The following PHIP variants were observed in gnomAD, a reference collection of about 807,000 sequenced individuals.
The protein encoded by PHIP is PH-interacting protein.
In PHIP, 54 loss-of-function variants were observed where a neutral mutation model predicts 236.8. The observed-to-expected ratio is 0.23, with a 90% CI of 0.18 to 0.29. The LOEUF is 0.29. Ranked by LOEUF, PHIP falls within the 10% of genes least tolerant of loss-of-function variation. The probability of loss-of-function intolerance (pLI) is 1.00; values close to 1 mark genes in which losing one functional copy is unlikely to be tolerated. For missense variants in PHIP, 1,370 were observed against 2,190.8 expected (o/e 0.63, Z 7.48); for synonymous variants, 756 against 718.9 (o/e 1.05, Z -0.83).
At position 78,988,236 on chromosome 6, in the gene PHIP, C is replaced by A. The variant is rs1392804044; in HGVS notation, c.2433G>T (p.Glu811Asp). The change falls in exon 21 of 40, where the codon GAG (glutamate) becomes GAT (aspartate). Residue 811 changes from glutamate (E) to aspartate (D), a missense_variant. Glu to Asp is a conservative substitution (Grantham distance 45). This residue lies in a region of PHIP where 99 missense variants were observed against 110.0 expected (regional missense o/e 0.90). Transcript: ENST00000275034. ...CTGAAGAACTACTGCCATTTTCTATCTCTTCTGAGGGTCTAGGAGTCTCTT... is the reference window on the plus strand; with the variant it reads ...CTGAAGAACTACTGCCATTTTCTATATCTTCTGAGGGTCTAGGAGTCTCTT... Reference protein sequence around the residue: ...ALEETPRPSEEIENGSSSSDE... With the variant: ...ALEETPRPSEDIENGSSSSDE... The A allele has an allele frequency of 1.3e-6, 2 of 1,585,570 alleles. No homozygotes were observed. Among genetic ancestry groups the A allele is most frequent in the Non-Finnish European group, 8.6e-7 (1 of 1,167,238 alleles).
intron 4 of PHIP, among the ~76,000 whole-genome samples, chr6:79,075,672 G>T (rs1295916072): frequency 7.0e-6 from 1 of 142,672 alleles, no homozygotes; most frequent in Non-Finnish European, 1.5e-5. Context: ...ATTCCTACGA[G>T]GATTAGCCAT....
chr6:78,992,255 G>GCC (rs1346896025), intron 19 of PHIP, among the ~76,000 whole-genome samples: 1 of 151,696 alleles, frequency 6.6e-6, no homozygotes, highest in Admixed American at 6.6e-5. Context: ...GAGCCACCGC[G>GCC]CCGGCCCAAA....
In PHIP at chr6:79,003,817, G is replaced by A; in HGVS notation, c.1566C>T (p.Cys522=). ...QGHGAVFDCK[C]SPDGQHFACT... ...ATGCAAAATGCTGACCATCAGGAGA[G>A]CATTTGCAGTCAAATACTGCGCCAT... Residue 522 remains cysteine (C), a synonymous_variant, in exon 16 of 40, where the codon TGC becomes TGT. Transcript: ENST00000275034. 1.9e-6 allele frequency: 3 copies of A among 1,609,532 alleles called. No individual in the cohort carries two copies. The highest frequency in any genetic ancestry group is 2.5e-6 in the Non-Finnish European group (3 of 1,177,076).
At chr6:78,977,943 C>G (rs1000725173) in intron 24 of PHIP, among the ~76,000 whole-genome samples, 1 of 151,864 alleles carries the variant, frequency 6.6e-6, no homozygotes, top group African/African-American at 2.4e-5. Flanking sequence ...ATTTTAATTC[C>G]CAATTTATTT....
At position 78,936,018 on chromosome 6, in the gene PHIP, A is replaced by G. The variant is rs1291466512; in HGVS notation, c.*4675T>C. ...CTAACATAGAAAGTGTCCACGTAAC[A>G]GTAAAGAAAGGTCCAATCAGTATGT... On this transcript the variant is annotated 3_prime_UTR_variant, in exon 40 of 40. Coordinates refer to ENST00000275034, the MANE Select transcript of PHIP (RefSeq NM_017934.7). The G allele has an allele frequency of 6.6e-6, 1 of 152,224 alleles. No homozygotes were observed. Among genetic ancestry groups the G allele is most frequent in the Non-Finnish European group, 1.5e-5 (1 of 68,044 alleles). The allele number at this position is 152,224 out of a possible 1,614,324, so 9.4% of individuals were successfully genotyped here.
intron 15 of PHIP, among the ~76,000 whole-genome samples, chr6:79,005,461 C>CTTTTTTA (rs1770237167): frequency 6.6e-6 from 1 of 151,692 alleles, no homozygotes; most frequent in Admixed American, 6.6e-5. Flanking sequence ...GTTACATGAA[C>CTTTTTTA]TGTTATAAAT....
At chr6:78,941,524 G>A (rs1345331880) in intron 39 of PHIP, among the ~76,000 whole-genome samples, 194 bp from the exon 40 acceptor site, 1 of 151,960 alleles carries the variant, frequency 6.6e-6, no homozygotes, top group African/African-American at 2.4e-5. Context: ...AAAAGAGACA[G>A]ATTCTTAACG....
In PHIP at chr6:78,983,939, G is replaced by A. The variant is rs139828650; in HGVS notation, c.2538-822C>T. ...ATCTTCTATATTAATTTTAGTATGTGAGCATATTTACTTATTTTGTACAAT... is the reference window on the plus strand; with the variant it reads ...ATCTTCTATATTAATTTTAGTATGTAAGCATATTTACTTATTTTGTACAAT... On this transcript the variant is annotated intron_variant, in intron 22 of 39. Coordinates refer to ENST00000275034, the MANE Select transcript of PHIP (RefSeq NM_017934.7). Among the ~76,000 whole-genome samples the A allele has an allele frequency of 6.3e-3, 963 of 152,184 alleles. 19 individuals carry two copies. The highest frequency in any genetic ancestry group is 0.022 in the African/African-American group (907 of 41,516).
intron 16 of PHIP, among the ~76,000 whole-genome samples, chr6:79,003,222 T>A (rs79371577): frequency 1.3e-5 from 2 of 151,914 alleles, no homozygotes; most frequent in African/African-American, 4.8e-5. Flanking sequence ...CTAGGCAACA[T>A]AGTGAGACAT....
chr6:79,072,993 T>C (rs747257930), intron 4 of PHIP, among the ~76,000 whole-genome samples: 19 of 152,150 alleles, frequency 1.2e-4, no homozygotes, highest in Non-Finnish European at 2.6e-4. Flanking sequence ...CCACACAAAG[T>C]AGAAGCTATT....
At chr6:78,957,023 T>C (rs1022475700) in intron 32 of PHIP, 1 of 152,070 alleles carries the variant, frequency 6.6e-6, no homozygotes, top group Non-Finnish European at 1.5e-5. Context: ...TCTTGAAGAC[T>C]ATCTGCTAAA....
chr6:79,076,205 T>C (rs1011215915), intron 4 of PHIP, among the ~76,000 whole-genome samples: 1 of 152,194 alleles, frequency 6.6e-6, no homozygotes, highest in Non-Finnish European at 1.5e-5. Flanking sequence ...AGTTAGGAAA[T>C]ACACTACATA....
At chr6:79,037,140 T>A (rs1232837537) in intron 7 of PHIP, among the ~76,000 whole-genome samples, 3 of 152,096 alleles carry the variant, frequency 2.0e-5, no homozygotes, top group Admixed American at 6.5e-5. Flanking sequence ...CTCTTTTCCT[T>A]TTTGGCCCAC....
intron 31 of PHIP, among the ~76,000 whole-genome samples, chr6:78,958,871 T>G (rs554160950): frequency 2.6e-5 from 4 of 152,152 alleles, no homozygotes; most frequent in African/African-American, 9.6e-5. Context: ...AGAACGTCTA[T>G]ATGGGGAGTG....
Position 78,985,423 on chromosome 6 carries a change from G to T in PHIP, c.2466C>A (p.Gly822=). 6.4e-7 allele frequency: 1 copy of T among 1,558,660 alleles called. No homozygotes were observed. Among genetic ancestry groups the T allele is most frequent in the Non-Finnish European group, 8.9e-7 (1 of 1,129,808 alleles). ...TTCCACCACTGACAGCAACTACTTC[G>T]CCTTCCTAAGATATGTTGAATACAT... The part of the protein sequence containing the change: ...IENGSSSSDE[G]EVVAVSGGTS... Residue 822 remains glycine (G), a synonymous_variant, in exon 22 of 40, where the codon GGC becomes GGA. Transcript: ENST00000275034.
At position 79,078,203 on chromosome 6, in the gene PHIP, C is replaced by T. The variant is rs970159401; in HGVS notation, c.-135G>A. 4 of 803,092 alleles carry T rather than the reference C, an allele frequency of 5.0e-6. No homozygotes were observed. Among genetic ancestry groups the T allele is most frequent in the Non-Finnish European group, 8.0e-6 (4 of 502,930 alleles). The allele number at this position is 803,092 out of a possible 1,614,324, so 49.7% of individuals were successfully genotyped here. ...TTCGGCTCCACCATTCAAGCAACGG[C>T]GGCGGAGGCGGAGGAGGAGGAGGAG... On this transcript the variant is annotated 5_prime_UTR_variant, in exon 1 of 40. Transcript: ENST00000275034.
intron 35 of PHIP, among the ~76,000 whole-genome samples, chr6:78,954,267 A>AGTT (rs1766257059): frequency 7.7e-6 from 1 of 129,936 alleles, no homozygotes; most frequent in African/African-American, 2.9e-5. Flanking sequence ...ACGCCTGGCT[A>AGTT]ATTTTTTTTT....
chr6:79,077,120 T>TCTCGCGCG (rs1774207237), intron 4 of PHIP, among the ~76,000 whole-genome samples: 2 of 151,886 alleles, frequency 1.3e-5, no homozygotes, highest in East Asian at 3.9e-4. Flanking sequence ...CGCCGCCGAC[T>TCTCGCGCG]CTCGCGCGCC....
chr6:78,951,853 T>G (rs965802540), intron 35 of PHIP, among the ~76,000 whole-genome samples: 1 of 152,224 alleles, frequency 6.6e-6, no homozygotes, highest in Admixed American at 6.5e-5. Context: ...GGATACGGGT[T>G]CCCATTGTGG....
Sources: gnomAD v4.1 joint callset for allele counts (sites outside exome capture counted in the v4.1 genomes callset) on GRCh38, gnomAD v4.1.1 for gene constraint, gnomAD v4.1.1 regional missense constraint, MANE v1.5 for transcripts, NCBI Gene and HGNC (gene_info 2026-07-23, HGNC 2026-07-21) for gene names.